Variants in TMEM120B observed in about 807,000 individuals in gnomAD.
TMEM120B encodes the protein transmembrane protein 120B.
TMEM120B carries 31 observed loss-of-function variants against 55.5 expected under a neutral mutation model. That is an observed-to-expected ratio of 0.56 (90% confidence interval 0.42 to 0.75). The LOEUF is 0.75. Ranked by LOEUF, TMEM120B falls within the 30% of genes least tolerant of loss-of-function variation. The pLI is 0.00. For missense variants in TMEM120B, 399 were observed against 425.5 expected (o/e 0.94, Z 0.55); for synonymous variants, 203 against 176.3 (o/e 1.15, Z -1.20).
intron 8 of TMEM120B, among the ~76,000 whole-genome samples, chr12:121,772,347 CTGGA>C (rs1874093018): frequency 1.3e-5 from 2 of 151,938 alleles, no homozygotes; most frequent in African/African-American, 2.4e-5. Context: ...TCAGGGTGGT[CTGGA>C]ACTCCTGACC....
intron 1 of TMEM120B, among the ~76,000 whole-genome samples, chr12:121,735,344 GAATA>G (rs1173769740): frequency 6.6e-6 from 1 of 151,700 alleles, no homozygotes; most frequent in Non-Finnish European, 1.5e-5. Context: ...ACATTAAAGA[GAATA>G]AATAGATTTA....
At chr12:121,746,778 C>A (rs192532823) in intron 2 of TMEM120B, among the ~76,000 whole-genome samples, 13,235 of 151,988 alleles carry the variant, frequency 0.087, 1,048 homozygotes, top group African/African-American at 0.21. Flanking sequence ...CATGGTGAAA[C>A]CCCATCTCTT....
chr12:121,716,309 CAA>C (rs1278926360), intron 1 of TMEM120B, among the ~76,000 whole-genome samples: 41 of 120,708 alleles, frequency 3.4e-4, no homozygotes, highest in Admixed American at 6.2e-4. Context: ...CCCTCTCTCT[CAA>C]AAAAAAAAAA....
chr12:121,735,136 A>G (rs964800502), intron 1 of TMEM120B, among the ~76,000 whole-genome samples: 6 of 148,718 alleles, frequency 4.0e-5, no homozygotes, highest in African/African-American at 1.5e-4. Flanking sequence ...CAGTGATCCA[A>G]GATCGCACCA....
At position 121,763,255 on chromosome 12, in the gene TMEM120B, C is replaced by T. The variant is rs561766693; in HGVS notation, c.551+1517C>T. ...TCGGCTCACTGCAACCTCCGCCTCC[C>T]GGGTTCACGCCATTCTCCTGCCTCA... On this transcript the variant is annotated intron_variant, in intron 6 of 11. Transcript: ENST00000449592. 1.1e-4 allele frequency among the ~76,000 whole-genome samples: 17 copies of T among 151,336 alleles called. No homozygotes were observed. The South Asian group carries it at 2.9e-3, about 26-fold the overall frequency.
chr12:121,726,035 C>CCA (rs1894882815), intron 1 of TMEM120B, among the ~76,000 whole-genome samples: 2 of 126,738 alleles, frequency 1.6e-5, no homozygotes, highest in Admixed American at 1.7e-4. Context: ...GACTCTGTCT[C>CCA]AAAAAAAAAA....
At chr12:121,736,165 T>TTTTA (rs35399975) in intron 1 of TMEM120B, among the ~76,000 whole-genome samples, 59,829 of 149,656 alleles carry the variant, frequency 0.4, 14,295 homozygotes, top group Middle Eastern at 0.57. Context: ...CTGTTGCACA[T>TTTTA]TTTATTTATT....
Position 121,775,195 on chromosome 12 carries a change from G to T in TMEM120B, c.906+65G>T. 1 of 1,422,562 alleles carries T rather than the reference G, an allele frequency of 7.0e-7. No homozygotes were observed. The highest frequency in any genetic ancestry group is 9.7e-7 in the Non-Finnish European group (1 of 1,035,598). 88.1% of individuals were successfully genotyped at this position (1,422,562 alleles called of 1,614,324 possible). Reference sequence around the variant, plus strand: ...AGGGCTGGGGTGGCAGGGATGGGGTGTATGTGTGGCATGCTGGGGTGCGGA... The same window carrying T: ...AGGGCTGGGGTGGCAGGGATGGGGTTTATGTGTGGCATGCTGGGGTGCGGA... On this transcript the variant is annotated intron_variant, in intron 11 of 11. Coordinates refer to ENST00000449592, the MANE Select transcript of TMEM120B (RefSeq NM_001080825.2). This position sits in a 1 kb window ranked among gnomAD's most constrained non-coding sequence, Gnocchi z 4.3.
intron 1 of TMEM120B, among the ~76,000 whole-genome samples, chr12:121,730,643 C>G (rs1894981773): frequency 2.3e-5 from 2 of 85,926 alleles, no homozygotes; most frequent in Non-Finnish European, 4.4e-5. Flanking sequence ...GAGCGAGACA[C>G]AGTCAAAAAA....
intron 10 of TMEM120B, 62 bp from the exon 11 acceptor site, chr12:121,775,000 G>T: frequency 6.3e-7 from 1 of 1,588,202 alleles, no homozygotes; most frequent in South Asian, 1.1e-5. Context: ...CCATCACCCT[G>T]GCTTTCTACG....
At chr12:121,731,012 T>A (rs558054596) in intron 1 of TMEM120B, among the ~76,000 whole-genome samples, 5 of 151,334 alleles carry the variant, frequency 3.3e-5, no homozygotes, top group African/African-American at 1.2e-4. Context: ...AGGCGGTACC[T>A]AGAGTAGTCA....
At chr12:121,722,396 C>T (rs746137337) in intron 1 of TMEM120B, among the ~76,000 whole-genome samples, 1 of 152,152 alleles carries the variant, frequency 6.6e-6, no homozygotes, top group Non-Finnish European at 1.5e-5. Flanking sequence ...TGTGCCCGGC[C>T]TCCATTCTAC....
intron 1 of TMEM120B, among the ~76,000 whole-genome samples, chr12:121,741,592 G>A (rs1036249646): frequency 6.6e-6 from 1 of 152,026 alleles, no homozygotes; most frequent in African/African-American, 2.4e-5. Flanking sequence ...GCCTCCCAAA[G>A]TGCTGGGATT....
At chr12:121,773,352 G>A in intron 8 of TMEM120B, 69 bp from the exon 9 acceptor site, 1 of 1,431,450 alleles carries the variant, frequency 7.0e-7, no homozygotes, top group Non-Finnish European at 9.6e-7. Context: ...TGTGCTTGGG[G>A]CAGAGAGGTG....
chr12:121,715,803 G>A (rs1317599676), intron 1 of TMEM120B, among the ~76,000 whole-genome samples: 1 of 151,832 alleles, frequency 6.6e-6, no homozygotes, highest in African/African-American at 2.4e-5. Flanking sequence ...CCTGGACGGG[G>A]GCCACACAGC....
At chr12:121,720,310 C>T (rs1221763237) in intron 1 of TMEM120B, among the ~76,000 whole-genome samples, 5 of 152,190 alleles carry the variant, frequency 3.3e-5, no homozygotes, top group Admixed American at 2.0e-4. Flanking sequence ...GACGCATACA[C>T]GTTAGGCGAA....
chr12:121,725,461 G>T (rs1894874337), intron 1 of TMEM120B, among the ~76,000 whole-genome samples: 1 of 152,080 alleles, frequency 6.6e-6, no homozygotes, highest in Admixed American at 6.6e-5. Flanking sequence ...ATATGACCCA[G>T]CAATTCCATT....
chr12:121,713,777 C>T (rs1456327317), intron 1 of TMEM120B, among the ~76,000 whole-genome samples: 1 of 152,148 alleles, frequency 6.6e-6, no homozygotes, highest in African/African-American at 2.4e-5. Context: ...CCTCAGGAAA[C>T]CTTGGGGTTG....
chr12:121,746,088 T>C (rs1206668015), intron 2 of TMEM120B, among the ~76,000 whole-genome samples: 24 of 152,182 alleles, frequency 1.6e-4, no homozygotes, highest in African/African-American at 5.5e-4. Flanking sequence ...CTCGAACTCC[T>C]GACTTCAGGT....
Sources: allele counts gnomAD v4.1 joint callset (sites outside exome capture counted in the v4.1 genomes callset), GRCh38; gene constraint gnomAD v4.1.1; non-coding constraint Gnocchi (gnomAD v3.1); transcripts MANE v1.5; gene names NCBI Gene and HGNC (gene_info 2026-07-23, HGNC 2026-07-21).